Variants in KDM2B observed in about 807,000 individuals in gnomAD.
The protein encoded by KDM2B is lysine demethylase 2B.
In KDM2B, 26 loss-of-function variants were observed where a neutral mutation model predicts 150.0. The observed-to-expected ratio is 0.17, with a 90% CI of 0.13 to 0.24. KDM2B has a LOEUF of 0.24. Ranked by LOEUF, KDM2B falls within the 10% of genes least tolerant of loss-of-function variation. The pLI is 1.00. For missense variants in KDM2B, 1,265 were observed against 1,816.9 expected (o/e 0.70, Z 5.52); for synonymous variants, 734 against 729.5 (o/e 1.01, Z -0.10).
chr12:121,449,415 A>G (rs907950057), intron 13 of KDM2B, among the ~76,000 whole-genome samples: 5 of 152,090 alleles, frequency 3.3e-5, no homozygotes, highest in Admixed American at 2.0e-4. Flanking sequence ...AAGGACCCCA[A>G]GGGTCAGGCC....
intron 12 of KDM2B, among the ~76,000 whole-genome samples, chr12:121,475,922 G>T (rs144251906): frequency 1.3e-3 from 191 of 151,970 alleles, no homozygotes; most frequent in Middle Eastern, 3.4e-3. Context: ...CCAACACTTT[G>T]GGAGGGCAAG....
chr12:121,472,971 C>T (rs1262930577), intron 12 of KDM2B, among the ~76,000 whole-genome samples: 1 of 151,970 alleles, frequency 6.6e-6, no homozygotes, highest in African/African-American at 2.4e-5. Flanking sequence ...TGGTTTGCTT[C>T]CTAAACAGAG....
At chr12:121,462,455 C>T (rs1234478586) in intron 12 of KDM2B, among the ~76,000 whole-genome samples, 1 of 151,704 alleles carries the variant, frequency 6.6e-6, no homozygotes, top group African/African-American at 2.4e-5. Context: ...CTTTTGCATA[C>T]ATTTTCAAGA....
intron 12 of KDM2B, among the ~76,000 whole-genome samples, chr12:121,478,254 T>C (rs1881611892): frequency 6.6e-6 from 1 of 151,988 alleles, no homozygotes; most frequent in South Asian, 2.1e-4. Flanking sequence ...CGAAGGGGAC[T>C]GGTGTACAGA....
rs1886714318 is a variant in KDM2B at position 121,521,857 on chromosome 12, C to T, written c.932-757G>A. On this transcript the variant is annotated intron_variant, in intron 8 of 22. Coordinates refer to ENST00000377071, the MANE Select transcript of KDM2B (RefSeq NM_032590.5). The surrounding 1 kb of genome is among the most constrained non-coding windows in gnomAD (Gnocchi z 4.9). ...GGTGTAGTGGTGCACCTCTGTGATC[C>T]CAGCACTTTGGGAGGCTGAGGCGGG... 6.6e-6 allele frequency among the ~76,000 whole-genome samples: 1 copy of T among 152,304 alleles called. No individual in the cohort carries two copies. Among genetic ancestry groups the T allele is most frequent in the African/African-American group, 2.4e-5 (1 of 41,552 alleles).
rs1286197342 is a variant in KDM2B at position 121,467,398 on chromosome 12, C to T, written c.1735-14054G>A. On this transcript the variant is annotated intron_variant, in intron 12 of 22. Coordinates refer to ENST00000377071, the MANE Select transcript of KDM2B (RefSeq NM_032590.5). The surrounding 1 kb of genome is among the most constrained non-coding windows in gnomAD (Gnocchi z 5.1). Reference sequence around the variant, plus strand: ...CGCGCTGGAGGGGGCGGGGAGGGGCCGGCGGGGGAGGGCCGGGGCGCCATG... The same window carrying T: ...CGCGCTGGAGGGGGCGGGGAGGGGCTGGCGGGGGAGGGCCGGGGCGCCATG... The T allele has an allele frequency of 5.2e-5, 50 of 963,772 alleles. No individual in the cohort carries two copies. The highest frequency in any genetic ancestry group is 6.3e-5 in the Admixed American group (1 of 15,774). The allele number at this position is 963,772 out of a possible 1,614,324, so 59.7% of individuals were successfully genotyped here. A position where few individuals can be genotyped will look rare whatever the true frequency, so the allele number is the denominator to read the frequency against.
Position 121,439,889 on chromosome 12 carries a change from G to A in KDM2B, c.3797C>T (p.Thr1266Ile). ...INLLTAVGTT[T>I]RDSLTEINLS... ...GTTGATCTCGGTTAAGGAGTCTCGG[G>A]TGGTGGTGCCAACAGCAGTGAGCAG... Residue 1266 changes from threonine to isoleucine, a missense_variant, in exon 22 of 23, where the codon ACC becomes ATC. Thr to Ile is a moderately conservative substitution (Grantham distance 89). This residue lies in a region of KDM2B where 251 missense variants were observed against 397.8 expected (regional missense o/e 0.63). Transcript: ENST00000377071. 6.2e-7 allele frequency: 1 copy of A among 1,614,230 alleles called. No individual in the cohort carries two copies. Among genetic ancestry groups the A allele is most frequent in the East Asian group, 2.2e-5 (1 of 44,892 alleles).
the KDM2B span, among the ~76,000 whole-genome samples, chr12:121,414,964 C>T: frequency 6.6e-6 from 1 of 152,166 alleles, no homozygotes; most frequent in Non-Finnish European, 1.5e-5. Context: ...GGCATGGTGG[C>T]GGATGCCTGT....
In KDM2B at chr12:121,484,349, C is replaced by T. The variant is rs543078447; in HGVS notation, c.1734+10230G>A. Reference sequence around the variant, plus strand: ...GGGAGAAATGGGGAAAAGGGCACTCCGAGAAGGAAGGAGTGTAAGCAAAGA... The same window carrying T: ...GGGAGAAATGGGGAAAAGGGCACTCTGAGAAGGAAGGAGTGTAAGCAAAGA... On this transcript the variant is annotated intron_variant, in intron 12 of 22. Coordinates refer to ENST00000377071, the MANE Select transcript of KDM2B (RefSeq NM_032590.5). Among the ~76,000 whole-genome samples the T allele has an allele frequency of 8.6e-5, 13 of 151,992 alleles. No individual in the cohort carries two copies. The South Asian group carries it at 1.7e-3, about 19-fold the overall frequency.
At chr12:121,494,999 CT>C (rs71079074) in intron 11 of KDM2B, among the ~76,000 whole-genome samples, 2,483 of 138,466 alleles carry the variant, frequency 0.018, 47 homozygotes, top group African/African-American at 0.058. Flanking sequence ...CAAACTTTTT[CT>C]TTTTTTTTTT....
chr12:121,569,499 T>C (rs1015533476), intron 4 of KDM2B, among the ~76,000 whole-genome samples: 4 of 152,128 alleles, frequency 2.6e-5, no homozygotes, highest in Non-Finnish European at 4.4e-5. Flanking sequence ...TTTTGGAGCA[T>C]CCAGACATAG....
At position 121,521,546 on chromosome 12, in the gene KDM2B, G is replaced by A. The variant is rs1180516528; in HGVS notation, c.932-446C>T. ...GTCACAAAGGATGGCTGGGAACCAT[G>A]ACGCAGGAGTGACGTCTTGCCAGAG... On this transcript the variant is annotated intron_variant, in intron 8 of 22. Coordinates refer to ENST00000377071, the MANE Select transcript of KDM2B (RefSeq NM_032590.5). This position sits in a 1 kb window ranked among gnomAD's most constrained non-coding sequence, Gnocchi z 4.9. Among the ~76,000 whole-genome samples, 1 of 152,162 alleles carries A rather than the reference G, an allele frequency of 6.6e-6. No individual in the cohort carries two copies. Among genetic ancestry groups the A allele is most frequent in the African/African-American group, 2.4e-5 (1 of 41,446 alleles).
the KDM2B span, among the ~76,000 whole-genome samples, chr12:121,412,457 A>G: frequency 1.3e-5 from 2 of 151,078 alleles, no homozygotes; most frequent in South Asian, 4.2e-4. Context: ...GTCAGCCAGG[A>G]TGGTCTTGAT....
chr12:121,514,432 G>C (rs992194508), intron 9 of KDM2B, among the ~76,000 whole-genome samples: 1 of 151,864 alleles, frequency 6.6e-6, no homozygotes, highest in Non-Finnish European at 1.5e-5. Context: ...GCAGTTCAGG[G>C]TCTGTACAGA....
chr12:121,496,333 C>T (rs891502379), intron 11 of KDM2B, among the ~76,000 whole-genome samples: 1 of 152,008 alleles, frequency 6.6e-6, no homozygotes, highest in Non-Finnish European at 1.5e-5. Flanking sequence ...ACATTTTTTC[C>T]GGACATTTAA....
rs1353106164 is a variant in KDM2B, at chr12:121,444,168, C to A, written c.2295G>T (p.Lys765Asn). The A allele has an allele frequency of 6.2e-7, 1 of 1,612,706 alleles. No homozygotes were observed. The highest frequency in any genetic ancestry group is 1.7e-5 in the Admixed American group (1 of 60,036). Residue 765 changes from lysine to asparagine, a missense_variant, in exon 16 of 23, where the codon AAG becomes AAT. Physicochemically the swap from Lys to Asn is moderately conservative, Grantham distance 94. This residue lies in a region of KDM2B where 418 missense variants were observed against 402.4 expected (regional missense o/e 1.04). Coordinates refer to ENST00000377071, the MANE Select transcript of KDM2B (RefSeq NM_032590.5). ...GCGCCTCCTCACACTCACTCCTCCGCTTGGCAGGTTCCTGCCCTTCCTTGT... is the reference window on the plus strand; with the variant it reads ...GCGCCTCCTCACACTCACTCCTCCGATTGGCAGGTTCCTGCCCTTCCTTGT... ...RDNKEGQEPA[K>N]RRSECEEAPR...
chr12:121,471,950 C>T lies in KDM2B; in HGVS notation c.1735-18606G>A, dbSNP rs546717713. 2.0e-5 allele frequency among the ~76,000 whole-genome samples: 3 copies of T among 152,166 alleles called. No individual in the cohort carries two copies. In the East Asian group the frequency reaches 5.8e-4, roughly 29 times the overall value. Reference sequence around the variant, plus strand: ...CAACCTGGCCAACATGGTGAGACTCCGTCTCTATTAAAAATACAAAAAATT... The same window carrying T: ...CAACCTGGCCAACATGGTGAGACTCTGTCTCTATTAAAAATACAAAAAATT... On this transcript the variant is annotated intron_variant, in intron 12 of 22. Transcript: ENST00000377071.
At chr12:121,502,865 T>C (rs782615733) in intron 11 of KDM2B, among the ~76,000 whole-genome samples, 8 of 151,262 alleles carry the variant, frequency 5.3e-5, no homozygotes, top group Non-Finnish European at 8.8e-5. Context: ...GTCGAGGCTA[T>C]GGAGAGCTGT....
chr12:121,413,622 G>C, the KDM2B span, among the ~76,000 whole-genome samples: 1 of 139,568 alleles, frequency 7.2e-6, no homozygotes, highest in African/African-American at 2.8e-5. Context: ...TTGTTGCCCA[G>C]GCTGGAGTGC....
Sources: gnomAD v4.1 joint callset for allele counts (sites outside exome capture counted in the v4.1 genomes callset) on GRCh38, gnomAD v4.1.1 for gene constraint, gnomAD v4.1.1 regional missense constraint, Gnocchi (gnomAD v3.1) non-coding constraint, MANE v1.5 for transcripts, NCBI Gene and HGNC (gene_info 2026-07-23, HGNC 2026-07-21) for gene names.